The following S100PBP variants were observed in gnomAD, a reference collection of about 807,000 sequenced individuals.
The protein encoded by S100PBP is S100P-binding protein.
A neutral mutation model predicts 39.9 loss-of-function variants in S100PBP; 15 were observed. The ratio of observed to expected loss-of-function variants is 0.38; its 90% CI spans 0.25 to 0.58. S100PBP has a LOEUF of 0.58. S100PBP is among the 20% of genes least tolerant of loss of function. The probability of loss-of-function intolerance (pLI) is 0.70; values close to 1 mark genes in which losing one functional copy is unlikely to be tolerated. For synonymous variants in S100PBP, 178 were observed against 180.3 expected (o/e 0.99, Z 0.10); for missense variants, 504 against 487.3 (o/e 1.03, Z -0.32).
At chr1:32,842,022 C>T (rs1320468292) in intron 5 of S100PBP, among the ~76,000 whole-genome samples, 1 of 147,606 alleles carries the variant, frequency 6.8e-6, no homozygotes, top group Admixed American at 6.8e-5. Context: ...TTGCCTCTAC[C>T]AAAAAAAAAT....
intron 5 of S100PBP, chr1:32,837,157 C>CAAAAAAAAAA (rs530366757): frequency 2.7e-5 from 1 of 37,328 alleles, no homozygotes. Context: ...GACTCCATCT[C>CAAAAAAAAAA]AAAAAAAAAA....
chr1:32,830,078 ACCC>A lies in S100PBP; in HGVS notation c.1024+12_1024+14del, dbSNP rs1413563141. The stretch of plus-strand genomic sequence containing the variant: ...AGGACACTAACCAAGGTAACATGGT[ACCC>A]AGAGAAAGGCATATAAAACATGTGA... On this transcript the variant is annotated intron_variant, in intron 5 of 6. Transcript: ENST00000373475. The A allele has an allele frequency of 6.6e-6, 10 of 1,522,758 alleles. No homozygotes were observed. Among genetic ancestry groups the A allele is most frequent in the Non-Finnish European group, 9.1e-6 (10 of 1,097,842 alleles). The allele number at this position is 1,522,758 out of a possible 1,614,324, so 94.3% of individuals were successfully genotyped here.
intron 4 of S100PBP, 142 bp from the exon 5 acceptor site, chr1:32,829,822 C>T (rs1237246944): frequency 1.6e-6 from 1 of 628,490 alleles, no homozygotes; most frequent in Admixed American, 2.8e-5. Context: ...CTAATACTGT[C>T]CTCTGCCTCT....
intron 1 of S100PBP, among the ~76,000 whole-genome samples, chr1:32,819,862 A>G (rs558248726): frequency 6.6e-6 from 1 of 152,286 alleles, no homozygotes; most frequent in South Asian, 2.1e-4. Flanking sequence ...TGAAGTTAAC[A>G]GTATTTACCC....
At chr1:32,831,703 T>A (rs1639607134) in intron 5 of S100PBP, among the ~76,000 whole-genome samples, 1 of 152,068 alleles carries the variant, frequency 6.6e-6, no homozygotes, top group Admixed American at 6.6e-5. Context: ...ACCTCTCCTC[T>A]CCACCTCTCC....
intron 5 of S100PBP, among the ~76,000 whole-genome samples, chr1:32,831,633 A>G (rs1176769569): frequency 6.6e-6 from 1 of 151,994 alleles, no homozygotes; most frequent in Non-Finnish European, 1.5e-5. Context: ...CTGATTTCTT[A>G]GCCCTCTGCT....
At chr1:32,824,829 T>TATATATAC (rs894750976) in intron 1 of S100PBP, 3 of 6,904 alleles carry the variant, frequency 4.3e-4, no homozygotes, top group Non-Finnish European at 3.0e-3. Context: ...TTTCTATACA[T>TATATATAC]ATATATATAT....
At position 32,827,797 on chromosome 1, in the gene S100PBP, T is replaced by G. The variant is rs936833745; in HGVS notation, c.832-196T>G. Reference sequence around the variant, plus strand: ...CACCTGGCCAGGTTTTTTTTTTTTTTTTTTTTTTTTAAGATTACAGAAAAA... The same window carrying G: ...CACCTGGCCAGGTTTTTTTTTTTTTGTTTTTTTTTTAAGATTACAGAAAAA... On this transcript the variant is annotated intron_variant, in intron 3 of 6. Transcript: ENST00000373475. Among the ~76,000 whole-genome samples, 541 of 151,626 alleles carry G rather than the reference T, an allele frequency of 3.6e-3. 2 individuals are homozygous for G. Among genetic ancestry groups the G allele is most frequent in the Middle Eastern group, 0.014 (4 of 294 alleles).
chr1:32,843,095 T>C (rs990814545), intron 5 of S100PBP: 1 of 152,172 alleles, frequency 6.6e-6, no homozygotes, highest in Non-Finnish European at 1.5e-5. Context: ...GAAATGTAAT[T>C]GATTTTTGTG....
intron 1 of S100PBP, chr1:32,824,880 T>C (rs1639257297): frequency 6.7e-6 from 1 of 148,766 alleles, no homozygotes; most frequent in Non-Finnish European, 1.5e-5. Context: ...GATTAATTTT[T>C]AGATTTTTGG....
chr1:32,822,442 G>A (rs950048486), intron 1 of S100PBP, among the ~76,000 whole-genome samples: 9 of 151,702 alleles, frequency 5.9e-5, no homozygotes, highest in South Asian at 4.2e-4. Flanking sequence ...GTGAAACCCC[G>A]TCTCTACTAA....
chr1:32,823,805 T>G (rs1639192323), intron 1 of S100PBP, among the ~76,000 whole-genome samples: 1 of 152,228 alleles, frequency 6.6e-6, no homozygotes, highest in Non-Finnish European at 1.5e-5. Context: ...TTATACATTA[T>G]GAGGGCAGGA....
chr1:32,817,042 C>G (rs1638763178), upstream of S100PBP: 1 of 1,022,554 alleles, frequency 9.8e-7, no homozygotes, highest in South Asian at 1.3e-5. Context: ...ACTGACCGAC[C>G]AGCAGTGAGA....
chr1:32,822,032 C>G (rs758928279), intron 1 of S100PBP, among the ~76,000 whole-genome samples: 2 of 151,770 alleles, frequency 1.3e-5, no homozygotes, highest in Non-Finnish European at 2.9e-5. Context: ...TTGTATGGAC[C>G]TTACTTGGAT....
At chr1:32,848,257 A>G (rs1417902390) in intron 5 of S100PBP, among the ~76,000 whole-genome samples, 1 of 152,148 alleles carries the variant, frequency 6.6e-6, no homozygotes, top group Admixed American at 6.5e-5. Context: ...CAGTGAGCCA[A>G]TATCGAGTCA....
In S100PBP at chr1:32,853,154, A is replaced by C. The variant is rs2148698204; in HGVS notation, c.1100A>C (p.Asp367Ala). The C allele has an allele frequency of 6.2e-7, 1 of 1,611,014 alleles. No homozygotes were observed. The highest frequency in any genetic ancestry group is 8.5e-7 in the Non-Finnish European group (1 of 1,178,808). Residue 367 changes from aspartate (D) to alanine (A), a missense_variant, in exon 6 of 7, where the codon GAC (aspartate) becomes GCC (alanine). Coordinates refer to ENST00000373475, the MANE Select transcript of S100PBP (RefSeq NM_022753.4). ...MQHSKWQHPS[D>A]LTTRNYARRQ... is the part of the protein sequence containing the mutation. ...CACTCAAAATGGCAGCATCCTTCGG[A>C]CCTCACCACGCGGTGAGTGGGTGAT...
At chr1:32,855,884 T>TGA (rs775919414) in intron 6 of S100PBP, 40 bp from the exon 7 acceptor site, 30 of 1,425,280 alleles carry the variant, frequency 2.1e-5, no homozygotes, top group Non-Finnish European at 2.8e-5. Context: ...CCATTCTAGT[T>TGA]GAAATAGCCT....
intron 5 of S100PBP, chr1:32,847,469 C>G (rs902371633): frequency 5.9e-5 from 9 of 152,000 alleles, no homozygotes; most frequent in African/African-American, 2.2e-4. Flanking sequence ...GAGGTTAAGT[C>G]CCCCATTCAT....
At chr1:32,819,355 G>T (rs999074660) in intron 1 of S100PBP, among the ~76,000 whole-genome samples, 1 of 152,180 alleles carries the variant, frequency 6.6e-6, no homozygotes, top group African/African-American at 2.4e-5. Context: ...ATTGCTTGAG[G>T]CCAGGAGTTC....
Sources: gnomAD v4.1 joint callset for allele counts (sites outside exome capture counted in the v4.1 genomes callset) on GRCh38, gnomAD v4.1.1 for gene constraint, MANE v1.5 for transcripts, NCBI Gene and HGNC (gene_info 2026-07-23, HGNC 2026-07-21) for gene names.